GDPD2: variants seen among roughly 807,000 people sequenced by gnomAD.
GDPD2 encodes the protein glycerophosphodiester phosphodiesterase domain containing 2.
Under a neutral mutation model 49.2 loss-of-function variants are expected in GDPD2, and 23 were observed. That is an observed-to-expected ratio of 0.47 (90% CI 0.34 to 0.66). The LOEUF (loss-of-function observed/expected upper bound fraction) is 0.66. Among genes scored for constraint, GDPD2 ranks in the 30% least tolerant of loss-of-function variants. The pLI, the probability that GDPD2 is intolerant of heterozygous loss-of-function variation, is 0.01. For synonymous variants in GDPD2, 167 were observed against 171.4 expected, an observed-to-expected ratio of 0.97 and a Z score of 0.20; for missense variants, 338 against 424.7, an observed-to-expected ratio of 0.80 and a Z score of 1.79.
chrX:70,431,233 G>A, intron 12 of GDPD2: 1 of 577,586 alleles, frequency 1.7e-6, no homozygotes, highest in Non-Finnish European at 2.8e-6. Flanking sequence ...ATCAACTGCT[G>A]ATCATGTTTC....
chrX:70,427,084 G>T (rs945590921), intron 8 of GDPD2, 53 bp from the exon 9 acceptor site: 2 of 1,176,424 alleles, frequency 1.7e-6, no homozygotes, highest in Middle Eastern at 2.3e-4. Context: ...AGGCCTGTGG[G>T]TTCCCAGTCT....
chrX:70,429,734 C>A lies in GDPD2; in HGVS notation c.1158+20C>A. The A allele has an allele frequency of 2.7e-6, 3 of 1,125,660 alleles. No individual in the cohort carries two copies. The highest frequency in any genetic ancestry group is 3.7e-6 in the Non-Finnish European group (3 of 819,788). The allele number at this position is 1,125,660 out of a possible 1,213,427, so 92.8% of individuals were successfully genotyped here. ...GCCATGGTGATGTTGCCAGGACCCC[C>A]TCTCCCCACCCTGCCTTCCCTAGGC... is the stretch of plus-strand genomic sequence containing the variant. On this transcript the variant is annotated intron_variant, in intron 11 of 15. Coordinates refer to ENST00000374382, the MANE Select transcript of GDPD2 (RefSeq NM_017711.4).
intron 4 of GDPD2, 60 bp downstream of exon 4, chrX:70,425,916 C>G: frequency 2.2e-6 from 2 of 893,072 alleles, no homozygotes; most frequent in East Asian, 6.2e-5. Context: ...TTAGTTTTAG[C>G]TCCCTATTCT....
chrX:70,429,171 C>T (rs2086452404), intron 10 of GDPD2, among the ~76,000 whole-genome samples: 1 of 111,300 alleles, frequency 9.0e-6, no homozygotes, highest in African/African-American at 3.3e-5. Context: ...GTGGATGGAC[C>T]ATGGGTAAGG....
In GDPD2 at chrX:70,425,767, C is replaced by T; in HGVS notation, c.214C>T (p.Leu72Phe). The T allele has an allele frequency of 8.4e-7, 1 of 1,183,610 alleles. No individual in the cohort carries two copies. Among genetic ancestry groups the T allele is most frequent in the East Asian group, 3.0e-5 (1 of 33,695 alleles). ...LNDLHNFNEF[L>F]FRRWGHWMDW... Reference sequence around the variant, plus strand: ...CCTCCCTCTCCCCTCCCACAGATTCCTCTTCCGCCGCTGGGGACACTGGAT... The same window carrying T: ...CCTCCCTCTCCCCTCCCACAGATTCTTCTTCCGCCGCTGGGGACACTGGAT... Residue 72 changes from leucine to phenylalanine, a missense_variant, in exon 4 of 16, where the codon CTC becomes TTC. Leu to Phe is a conservative substitution (Grantham distance 22). Coordinates refer to ENST00000374382, the MANE Select transcript of GDPD2 (RefSeq NM_017711.4).
chrX:70,432,385 A>C lies in GDPD2; in HGVS notation c.1386A>C (p.Ala462=). Residue 462 remains alanine (A), a synonymous_variant, in exon 13 of 16, where the codon GCA becomes GCC. Transcript: ENST00000374382. The part of the protein sequence containing the change: ...KPWLFSLLWC[A]GVDSVTTNDC... ...GGCTCTTCTCTCTGCTTTGGTGTGC[A>C]GGGGTGGATTCGGTCACCACCAACG... 8.3e-7 allele frequency: 1 copy of C among 1,208,764 alleles called. No homozygotes were observed. Among genetic ancestry groups the C allele is most frequent in the Non-Finnish European group, 1.1e-6 (1 of 892,913 alleles).
Position 70,429,819 on chromosome X carries a change from A to G in GDPD2, c.1159-96A>G, listed in dbSNP as rs142847810. The G allele has an allele frequency of 4.4e-4, 478 of 1,091,632 alleles. 1 individual carries two copies. The African/African-American group carries it at 7.2e-3, about 16-fold the overall frequency. 90.0% of individuals were successfully genotyped at this position (1,091,632 alleles called of 1,213,427 possible). On this transcript the variant is annotated intron_variant, in intron 11 of 15. Transcript: ENST00000374382. ...CCCCCAGGGCCCTGCCCCAGCTCAC[A>G]TACCCCATTCTGTGGTCAAAACTGT...
intron 12 of GDPD2, 106 bp downstream of exon 12, chrX:70,430,169 A>C (rs1449511977): frequency 2.8e-6 from 2 of 710,822 alleles, no homozygotes; most frequent in Admixed American, 6.3e-5. Flanking sequence ...TCACACAAAA[A>C]GTATTTACAG....
chrX:70,426,182 G>C, intron 5 of GDPD2, 71 bp downstream of exon 5: 1 of 970,641 alleles, frequency 1.0e-6, no homozygotes, highest in East Asian at 3.1e-5. Context: ...ATTTGCTGAG[G>C]ACCTCACTTT....
chrX:70,427,651 A>G, intron 10 of GDPD2, 188 bp downstream of exon 10: 1 of 398,162 alleles, frequency 2.5e-6, no homozygotes, highest in Non-Finnish European at 4.3e-6. Flanking sequence ...AGCAATAAAA[A>G]CATTTTCCTG....
intron 6 of GDPD2, 42 bp downstream of exon 6, chrX:70,426,511 T>A: frequency 8.9e-7 from 1 of 1,123,251 alleles, no homozygotes; most frequent in Non-Finnish European, 1.2e-6. Flanking sequence ...AGCCTTGGCT[T>A]GCAGCCAACC....
intron 1 of GDPD2, among the ~76,000 whole-genome samples, 167 bp from the exon 2 acceptor site, chrX:70,424,809 G>C (rs1053482785): frequency 1.8e-5 from 2 of 112,870 alleles, no homozygotes; most frequent in African/African-American, 6.4e-5. Context: ...TGCAGCTGGG[G>C]CTGCTCGCCT....
In GDPD2 at chrX:70,427,119, A is replaced by T. The variant is rs775878838; in HGVS notation, c.703-18A>T. ...TCCCACCCTTCCCTGCTACCTCATC[A>T]CCTATTCCCTTTCCCAGCTGGCTCC... On this transcript the variant is annotated intron_variant, in intron 8 of 15. Transcript: ENST00000374382. 5.1e-6 allele frequency: 6 copies of T among 1,186,547 alleles called. No individual in the cohort carries two copies. The African/African-American group carries it at 1.1e-4, about 21-fold the overall frequency.
At chrX:70,423,830 G>A (rs1472201249) in intron 1 of GDPD2, among the ~76,000 whole-genome samples, 1 of 111,128 alleles carries the variant, frequency 9.0e-6, no homozygotes, top group African/African-American at 3.3e-5. Flanking sequence ...CACCCACTGT[G>A]CACCCCTCTA....
intron 7 of GDPD2, 57 bp downstream of exon 7, chrX:70,426,798 A>G: frequency 8.5e-7 from 1 of 1,176,101 alleles, no homozygotes; most frequent in Non-Finnish European, 1.2e-6. Flanking sequence ...TGCCACCTGC[A>G]CTCTGCCTTC....
At chrX:70,425,513 C>CCCGGG in intron 3 of GDPD2, 56 bp downstream of exon 3, 1 of 853,978 alleles carries the variant, frequency 1.2e-6, no homozygotes, top group Non-Finnish European at 1.8e-6. Context: ...GCTCCCCACC[C>CCCGGG]TGGGACCCGG....
intron 2 of GDPD2, 69 bp downstream of exon 2, chrX:70,425,158 C>G (rs1003469917): frequency 1.3e-6 from 1 of 789,433 alleles, no homozygotes; most frequent in African/African-American, 2.0e-5. Context: ...GATAAGGAGG[C>G]CAATTGTGCT....
chrX:70,425,935 C>T, intron 4 of GDPD2, 79 bp downstream of exon 4: 1 of 880,448 alleles, frequency 1.1e-6, no homozygotes, highest in Admixed American at 2.2e-5. Context: ...CTCATCCTGG[C>T]CACTGAGGGA....
At position 70,426,925 on chromosome X, in the gene GDPD2, C is replaced by G; in HGVS notation, c.616C>G (p.Pro206Ala). Residue 206 changes from proline (P) to alanine (A), a missense_variant, in exon 8 of 16, where the codon CCC becomes GCC. This residue lies in a region of GDPD2 where 253 missense variants were observed against 330.4 expected (regional missense o/e 0.77). Transcript: ENST00000374382. The part of the protein sequence containing the change: ...FGVVLVIYLA[P>A]LCISSPCIME... Reference sequence around the variant, plus strand: ...AGTTGTCCTGGTCATCTACTTGGCCCCCCTATGCATCTCCTCACCCTGCAT... The same window carrying G: ...AGTTGTCCTGGTCATCTACTTGGCCGCCCTATGCATCTCCTCACCCTGCAT... 8.3e-7 allele frequency: 1 copy of G among 1,207,197 alleles called. No individual in the cohort carries two copies. The highest frequency in any genetic ancestry group is 1.1e-6 in the Non-Finnish European group (1 of 891,286).
Sources: allele counts gnomAD v4.1 joint callset (sites outside exome capture counted in the v4.1 genomes callset), GRCh38; gene constraint gnomAD v4.1.1; regional missense constraint gnomAD v4.1.1; transcripts MANE v1.5; gene names NCBI Gene and HGNC (gene_info 2026-07-23, HGNC 2026-07-21).